The following ACOT13 variants were observed in gnomAD, a reference collection of about 807,000 sequenced individuals.
The protein encoded by ACOT13 is acyl-coenzyme A thioesterase 13.
ACOT13 carries 10 observed loss-of-function variants against 11.8 expected under a neutral mutation model. The ratio of observed to expected loss-of-function variants is 0.85; its 90% CI spans 0.53 to 1.44. The LOEUF (loss-of-function observed/expected upper bound fraction) is 1.44. Among genes scored for constraint, ACOT13 ranks in the 40% most tolerant of loss-of-function variants. The pLI is 0.00. For missense variants in ACOT13, 172 were observed against 174.1 expected (o/e 0.99, Z 0.07); for synonymous variants, 53 against 61.0 (o/e 0.87, Z 0.61).
At chr6:24,674,974 A>G (rs969555997) in intron 1 of ACOT13, among the ~76,000 whole-genome samples, 3 of 148,698 alleles carry the variant, frequency 2.0e-5, no homozygotes, top group Non-Finnish European at 3.0e-5. Context: ...GAGTGAGAAC[A>G]TGTGGTGTTT....
intron 1 of ACOT13, among the ~76,000 whole-genome samples, chr6:24,675,972 T>C (rs1778447435): frequency 6.6e-6 from 1 of 152,250 alleles, no homozygotes; most frequent in Non-Finnish European, 1.5e-5. Context: ...CACCATTTAT[T>C]AAAAGGGAAT....
intron 1 of ACOT13, among the ~76,000 whole-genome samples, chr6:24,680,356 T>A (rs1179932272): frequency 6.6e-6 from 1 of 152,144 alleles, no homozygotes; most frequent in Non-Finnish European, 1.5e-5. Context: ...GAGGGTCAAA[T>A]TGGTCCTTAT....
intron 1 of ACOT13, among the ~76,000 whole-genome samples, chr6:24,689,549 T>C (rs144934919): frequency 0.017 from 2,658 of 152,276 alleles, 43 homozygotes; most frequent in African/African-American, 0.025. Context: ...GTATATAATA[T>C]GATCCCATTT....
chr6:24,688,443 G>A (rs1303836515), intron 1 of ACOT13, among the ~76,000 whole-genome samples: 1 of 151,744 alleles, frequency 6.6e-6, no homozygotes. Context: ...AGGAGGCTAA[G>A]GTGAGAGGAA....
intron 1 of ACOT13, among the ~76,000 whole-genome samples, chr6:24,676,687 G>A (rs1778459794): frequency 6.6e-6 from 1 of 152,152 alleles, no homozygotes; most frequent in African/African-American, 2.4e-5. Context: ...ATTATAGAAG[G>A]ACTGGGGGTC....
At chr6:24,696,936 C>T (rs922966658) in intron 1 of ACOT13, among the ~76,000 whole-genome samples, 8 of 152,130 alleles carry the variant, frequency 5.3e-5, no homozygotes, top group Admixed American at 1.3e-4. Flanking sequence ...CCACCACACC[C>T]GGCTAATTTT....
intron 1 of ACOT13, among the ~76,000 whole-genome samples, chr6:24,693,122 C>T (rs1407013054): frequency 6.6e-6 from 1 of 152,212 alleles, no homozygotes; most frequent in Non-Finnish European, 1.5e-5. Context: ...CAGTGTCACA[C>T]ACAAAGTTAG....
intron 1 of ACOT13, among the ~76,000 whole-genome samples, chr6:24,688,723 A>T (rs992352670): frequency 3.9e-5 from 6 of 152,110 alleles, no homozygotes; most frequent in African/African-American, 1.4e-4. Flanking sequence ...AAAACTTAGA[A>T]ATTTCAATTG....
At chr6:24,694,486 CAT>C (rs1161447749) in intron 1 of ACOT13, among the ~76,000 whole-genome samples, 1 of 152,230 alleles carries the variant, frequency 6.6e-6, no homozygotes, top group Non-Finnish European at 1.5e-5. Context: ...TGAGACAGCA[CAT>C]GTCAAATTGC....
intron 1 of ACOT13, among the ~76,000 whole-genome samples, chr6:24,690,255 A>T (rs1778700673): frequency 6.6e-6 from 1 of 152,204 alleles, no homozygotes; most frequent in Non-Finnish European, 1.5e-5. Context: ...AATTGCAAAA[A>T]TTCTACACAA....
At chr6:24,685,452 T>G (rs1332249350) in intron 1 of ACOT13, among the ~76,000 whole-genome samples, 2 of 150,270 alleles carry the variant, frequency 1.3e-5, no homozygotes, top group Non-Finnish European at 3.0e-5. Context: ...GTTCACACCA[T>G]TCTCCTGCCT....
At chr6:24,684,120 C>A (rs2127624622) in intron 1 of ACOT13, among the ~76,000 whole-genome samples, 1 of 152,274 alleles carries the variant, frequency 6.6e-6, no homozygotes, top group South Asian at 2.1e-4. Flanking sequence ...ACACAACTCT[C>A]AGGCTGTGTT....
intron 1 of ACOT13, among the ~76,000 whole-genome samples, chr6:24,679,609 G>A (rs1319322663): frequency 2.0e-5 from 3 of 152,132 alleles, no homozygotes; most frequent in Non-Finnish European, 4.4e-5. Flanking sequence ...CTGATTCTGT[G>A]TCCCAATGAG....
chr6:24,678,913 G>A (rs112732955), intron 1 of ACOT13, among the ~76,000 whole-genome samples: 2,573 of 152,208 alleles, frequency 0.017, 63 homozygotes, highest in African/African-American at 0.056. Context: ...AAGCATACCC[G>A]GGGCCCTGTG....
chr6:24,675,815 A>G (rs193163240), intron 1 of ACOT13, among the ~76,000 whole-genome samples: 1 of 152,136 alleles, frequency 6.6e-6, no homozygotes, highest in East Asian at 1.9e-4. Flanking sequence ...TATGCCCTGA[A>G]TGGTATTGTC....
At chr6:24,677,694 G>A (rs2127622849) in intron 1 of ACOT13, among the ~76,000 whole-genome samples, 1 of 152,340 alleles carries the variant, frequency 6.6e-6, no homozygotes, top group East Asian at 1.9e-4. Context: ...TGCTTCAGGT[G>A]TCCATCTTAC....
At position 24,701,796 on chromosome 6, in the gene ACOT13, T is replaced by C; in HGVS notation, c.*181T>C. On this transcript the variant is annotated 3_prime_UTR_variant, in exon 3 of 3. Coordinates refer to ENST00000230048, the MANE Select transcript of ACOT13 (RefSeq NM_018473.4). Reference sequence around the variant, plus strand: ...GGGGTGTCTTTTTTCACTTTAAGCATCTTGTTTTCTAATCATGTGTGATAA... The same window carrying C: ...GGGGTGTCTTTTTTCACTTTAAGCACCTTGTTTTCTAATCATGTGTGATAA... 1.9e-6 allele frequency: 1 copy of C among 530,014 alleles called. No individual in the cohort carries two copies. The allele number at this position is 530,014 out of a possible 1,614,324, so 32.8% of individuals were successfully genotyped here.
In ACOT13 at chr6:24,704,860, C is replaced by CT. The variant is rs1449501797; in HGVS notation, c.*3248dup. ...GGAAAGAAAAAGTTAACACTTCAAA[C>CT]TTTGTGTATTCACCTGAATAGTCAG... On this transcript the variant is annotated 3_prime_UTR_variant, in exon 3 of 3. Transcript: ENST00000230048. 3 of 152,150 alleles carry CT rather than the reference C, an allele frequency of 2.0e-5. No homozygotes were observed. Among genetic ancestry groups the CT allele is most frequent in the Non-Finnish European group, 4.4e-5 (3 of 67,996 alleles). 9.4% of individuals were successfully genotyped at this position (152,150 alleles called of 1,614,324 possible). A position where few individuals can be genotyped will look rare whatever the true frequency, so the allele number is the denominator to read the frequency against.
In ACOT13 at chr6:24,697,968, A is replaced by G. The variant is rs1778823657; in HGVS notation, c.167A>G (p.His56Arg). ...CATACCAATGCAATAGGCACTCTCC[A>G]CGGCGGTTTGACAGCCACGTTAGTA... is the stretch of plus-strand genomic sequence containing the variant. ...EEHTNAIGTL[H>R]GGLTATLVDN... The change falls in exon 2 of 3, where the codon CAC becomes CGC. Residue 56 changes from histidine to arginine, a missense_variant. By Grantham distance (29) the His-to-Arg change is conservative. Coordinates refer to ENST00000230048, the MANE Select transcript of ACOT13 (RefSeq NM_018473.4). The G allele has an allele frequency of 6.2e-7, 1 of 1,613,908 alleles. No individual in the cohort carries two copies.
Sources: allele counts gnomAD v4.1 joint callset (sites outside exome capture counted in the v4.1 genomes callset), GRCh38; gene constraint gnomAD v4.1.1; transcripts MANE v1.5; gene names NCBI Gene and HGNC (gene_info 2026-07-23, HGNC 2026-07-21).